ACSF2: variants seen among roughly 807,000 people sequenced by gnomAD.
The protein encoded by ACSF2 is medium-chain acyl-CoA ligase ACSF2, mitochondrial.
In ACSF2, 52 loss-of-function variants were observed where a neutral mutation model predicts 79.3. The observed-to-expected ratio is 0.66, with a 90% CI of 0.53 to 0.83. ACSF2 has a LOEUF of 0.83. Among genes scored for constraint, ACSF2 ranks in the 40% least tolerant of loss-of-function variants. The pLI is 0.00. For missense variants in ACSF2, 661 were observed against 803.3 expected (o/e 0.82, Z 2.14); for synonymous variants, 283 against 312.6 (o/e 0.91, Z 1.00).
At chr17:50,461,730 C>CAT in intron 4 of ACSF2, 44 bp downstream of exon 4, 1 of 1,608,924 alleles carries the variant, frequency 6.2e-7, no homozygotes, top group Non-Finnish European at 8.5e-7. Context: ...GGGCCTGGCA[C>CAT]AGGGGGCTGC....
intron 1 of ACSF2, among the ~76,000 whole-genome samples, chr17:50,434,380 A>G (rs1246869523): frequency 4.6e-5 from 7 of 151,510 alleles, no homozygotes; most frequent in Non-Finnish European, 8.8e-5. Flanking sequence ...ACCAATATAG[A>G]GTATCTTGTT....
In ACSF2 at chr17:50,453,780, CTGT is replaced by C. The variant is rs913313298; in HGVS notation, c.129-6874_129-6872del. 2.4e-3 allele frequency among the ~76,000 whole-genome samples: 365 copies of C among 150,184 alleles called. 3 individuals carry two copies. Among genetic ancestry groups the C allele is most frequent in the Middle Eastern group, 3.4e-3 (1 of 292 alleles). On this transcript the variant is annotated intron_variant, in intron 1 of 15. Coordinates refer to ENST00000300441, the MANE Select transcript of ACSF2 (RefSeq NM_025149.6). ...TTGGGTTTGTGTGTGTGTGTGTGTG[CTGT>C]TGTTGTTGTTGTTGTTGTTGTTTCT...
rs1205601199 is a variant in ACSF2 at position 50,463,751 on chromosome 17, G to A, written c.1047-67G>A. 80 of 1,533,260 alleles carry A rather than the reference G, an allele frequency of 5.2e-5. No individual in the cohort carries two copies. The highest frequency in any genetic ancestry group is 8.1e-5 in the South Asian group (7 of 86,926). The allele number at this position is 1,533,260 out of a possible 1,614,324, so 95.0% of individuals were successfully genotyped here. On this transcript the variant is annotated intron_variant, in intron 8 of 15. Transcript: ENST00000300441. The surrounding 1 kb of genome is among the most constrained non-coding windows in gnomAD (Gnocchi z 4.6). ...ATTCCCTTTGCTGCAGTTTCATGGC[G>A]GGGTGGGTGAGAACAGGGAGTTCCC...
Position 50,462,418 on chromosome 17 carries a change from A to G in ACSF2, c.627-2A>G. ...GTCTCTCACCATCGTCCCCAACCCC[A>G]GGCTCCCAGATCTGACCACAGTCAT... On this transcript the variant is annotated splice_acceptor_variant, in intron 5 of 15. Coordinates refer to ENST00000300441, the MANE Select transcript of ACSF2 (RefSeq NM_025149.6). LOFTEE classifies it high-confidence loss of function. 3 of 1,533,776 alleles carry G rather than the reference A, an allele frequency of 2.0e-6. No individual in the cohort carries two copies. The highest frequency in any genetic ancestry group is 2.6e-6 in the Non-Finnish European group (3 of 1,137,990).
chr17:50,449,170 C>T, intron 1 of ACSF2, among the ~76,000 whole-genome samples: 1 of 151,784 alleles, frequency 6.6e-6, no homozygotes, highest in Non-Finnish European at 1.5e-5. Context: ...GCGCCCACCA[C>T]AATGCCCAGC....
chr17:50,461,996 T>C (rs1159599787), intron 4 of ACSF2, among the ~76,000 whole-genome samples, 188 bp from the exon 5 acceptor site: 1 of 148,528 alleles, frequency 6.7e-6, no homozygotes, highest in Admixed American at 6.7e-5. Context: ...TCTCAGGGTG[T>C]GGTGTGTGTG....
chr17:50,447,615 CAA>C (rs1236485618), intron 1 of ACSF2, among the ~76,000 whole-genome samples: 1 of 152,044 alleles, frequency 6.6e-6, no homozygotes, highest in Non-Finnish European at 1.5e-5. Flanking sequence ...TATTGCCATA[CAA>C]AGAGTTTTTT....
intron 10 of ACSF2, chr17:50,468,509 A>G (rs776837490): frequency 1.2e-6 from 2 of 1,614,234 alleles, no homozygotes; most frequent in Admixed American, 1.7e-5. Context: ...GTACAAGTAG[A>G]TAAGTTGCTT....
chr17:50,472,736 G>C, intron 12 of ACSF2, 157 bp downstream of exon 12: 1 of 864,326 alleles, frequency 1.2e-6, no homozygotes, highest in Non-Finnish European at 1.7e-6. Context: ...ATACGGTGGG[G>C]ATGATCATAC....
At position 50,464,201 on chromosome 17, in the gene ACSF2, C is replaced by T. The variant is rs1354698991; in HGVS notation, c.1139-17C>T. The T allele has an allele frequency of 2.5e-6, 4 of 1,613,654 alleles. No individual in the cohort carries two copies. The highest frequency in any genetic ancestry group is 8.5e-7 in the Non-Finnish European group (1 of 1,179,554). On this transcript the variant is annotated splice_polypyrimidine_tract_variant and intron_variant, in intron 9 of 15. Transcript: ENST00000300441. ...CTGGAGAATTGGGGAGCTGTGTCAG[C>T]CCTCTCTCTGATTCAGGTGTCATTG...
At chr17:50,457,974 T>C (rs953487597) in intron 1 of ACSF2, among the ~76,000 whole-genome samples, 2 of 152,196 alleles carry the variant, frequency 1.3e-5, no homozygotes, top group African/African-American at 2.4e-5. Context: ...CCAGAAGCTC[T>C]GCAATGAGTA....
At chr17:50,468,158 C>T (rs183183018) in intron 10 of ACSF2, 4 of 1,614,182 alleles carry the variant, frequency 2.5e-6, no homozygotes, top group East Asian at 4.5e-5. Context: ...CTCCACCACC[C>T]GTAGCTTGCT....
rs1267694639 is a variant in ACSF2, at chr17:50,471,086, CTG to C, written c.1277_1278del (p.Val426GlyfsTer49). 10 of 1,613,962 alleles carry C rather than the reference CTG, an allele frequency of 6.2e-6. No homozygotes were observed. Among genetic ancestry groups the C allele is most frequent in the Admixed American group, 5.0e-5 (3 of 59,988 alleles). On this transcript the variant is annotated frameshift_variant, in exon 11 of 16. Transcript: ENST00000300441. LOFTEE classifies it high-confidence loss of function. This position sits in a 1 kb window ranked among gnomAD's most constrained non-coding sequence, Gnocchi z 4.1. Reference sequence around the variant, plus strand: ...ACATTCGCGCACTTCCCTGAGGACACTGTGGAGCAGAAGGCAGAAAGCGTGGG... The same window carrying C: ...ACATTCGCGCACTTCCCTGAGGACACTGGAGCAGAAGGCAGAAAGCGTGGG...
At chr17:50,466,513 A>G (rs1358378928) in intron 10 of ACSF2, among the ~76,000 whole-genome samples, 1 of 152,206 alleles carries the variant, frequency 6.6e-6, no homozygotes, top group African/African-American at 2.4e-5. Flanking sequence ...CTGGCACCAC[A>G]ATCCCTGCAC....
chr17:50,466,581 G>A (rs751021687), intron 10 of ACSF2, among the ~76,000 whole-genome samples: 2 of 152,164 alleles, frequency 1.3e-5, no homozygotes, highest in African/African-American at 2.4e-5. Flanking sequence ...ACTGGTACAC[G>A]GTGAACTTGG....
chr17:50,441,225 A>G (rs77992336), intron 1 of ACSF2, among the ~76,000 whole-genome samples: 3,473 of 152,378 alleles, frequency 0.023, 58 homozygotes, highest in Middle Eastern at 0.044. Flanking sequence ...CAGGCTGTGC[A>G]GTGGCACGAT....
intron 1 of ACSF2, among the ~76,000 whole-genome samples, chr17:50,431,515 C>T (rs997591241): frequency 2.0e-5 from 3 of 152,274 alleles, no homozygotes; most frequent in East Asian, 1.9e-4. Context: ...TTTGTACTTC[C>T]GTGAAATCTC....
At chr17:50,469,132 C>T (rs189472852) in intron 10 of ACSF2, 1 of 720,576 alleles carries the variant, frequency 1.4e-6, no homozygotes. Context: ...TATGGTGCTC[C>T]TCTGCCTACC....
intron 1 of ACSF2, among the ~76,000 whole-genome samples, chr17:50,431,546 G>C (rs1327374226): frequency 2.6e-5 from 4 of 152,176 alleles, no homozygotes; most frequent in Non-Finnish European, 4.4e-5. Flanking sequence ...CAATCGTTGT[G>C]AACCCTGGTG....
Sources: allele counts gnomAD v4.1 joint callset (sites outside exome capture counted in the v4.1 genomes callset), GRCh38; gene constraint gnomAD v4.1.1; non-coding constraint Gnocchi (gnomAD v3.1); transcripts MANE v1.5; gene names NCBI Gene and HGNC (gene_info 2026-07-23, HGNC 2026-07-21).